Variants in MYOM1 observed in about 807,000 individuals in gnomAD.
The protein encoded by MYOM1 is myomesin 1, also known as myomesin-1.
MYOM1 carries 164 observed loss-of-function variants against 205.3 expected under a neutral mutation model. The ratio of observed to expected loss-of-function variants is 0.80; its 90% CI spans 0.70 to 0.91. The LOEUF is 0.91. MYOM1 is among the 40% of genes least tolerant of loss of function. MYOM1 has a pLI of 0.00. For missense variants in MYOM1, 2,011 were observed against 2,127.3 expected (o/e 0.95, Z 1.08); for synonymous variants, 772 against 789.4 (o/e 0.98, Z 0.37).
intron 2 of MYOM1, among the ~76,000 whole-genome samples, chr18:3,196,199 CTATGT>C (rs2080988656): frequency 6.6e-6 from 1 of 152,100 alleles, no homozygotes; most frequent in African/African-American, 2.4e-5. Flanking sequence ...AAGAAAGTGA[CTATGT>C]TATAATAAGC....
intron 33 of MYOM1, among the ~76,000 whole-genome samples, chr18:3,079,563 A>G (rs2079061149): frequency 6.6e-6 from 1 of 151,856 alleles, no homozygotes; most frequent in Admixed American, 6.6e-5. Flanking sequence ...ATTTGTTAAT[A>G]ACTCCTCATA....
the MYOM1 span, chr18:3,246,061 G>A: frequency 3.3e-5 from 5 of 152,464 alleles, no homozygotes; most frequent in East Asian, 7.7e-4. Context: ...GTGGAAGGAA[G>A]ACAAAACAAT....
intron 22 of MYOM1, among the ~76,000 whole-genome samples, chr18:3,104,381 A>G (rs78109326): frequency 0.012 from 1,859 of 152,318 alleles, 26 homozygotes; most frequent in African/African-American, 0.042. Context: ...GATTGCTTAT[A>G]TTAATCATTC....
chr18:3,238,741 G>C, the MYOM1 span, among the ~76,000 whole-genome samples: 2 of 152,068 alleles, frequency 1.3e-5, no homozygotes, highest in East Asian at 3.9e-4. Context: ...AAGCTGTCAG[G>C]GAGACTGTGT....
chr18:3,147,101 AAT>A (rs930996583), intron 13 of MYOM1, among the ~76,000 whole-genome samples: 5 of 141,162 alleles, frequency 3.5e-5, no homozygotes, highest in Non-Finnish European at 7.6e-5. Context: ...ATTATAGATA[AAT>A]ATATATATTT....
chr18:3,151,473 TAAATAAAATA>T lies in MYOM1; in HGVS notation c.1843+211_1843+220del, dbSNP rs71159050. Among the ~76,000 whole-genome samples, 35,936 of 143,854 alleles carry T rather than the reference TAAATAAAATA, an allele frequency of 0.25. 4,618 individuals carry two copies. The highest frequency in any genetic ancestry group is 0.35 in the Middle Eastern group (98 of 280). The allele number at this position is 143,854 out of a possible 152,430, so 94.4% of individuals were successfully genotyped here. ...TATAAAATAATAAAATAAAATAAAA[TAAATAAAATA>T]AAATAAAATAAAATAAAATAAAACC... On this transcript the variant is annotated intron_variant, in intron 12 of 37. Coordinates refer to ENST00000356443, the MANE Select transcript of MYOM1 (RefSeq NM_003803.4).
At chr18:3,233,983 TTATACA>T in the MYOM1 span, among the ~76,000 whole-genome samples, 1 of 152,244 alleles carries the variant, frequency 6.6e-6, no homozygotes, top group African/African-American at 2.4e-5. Flanking sequence ...GGCTTTGAAG[TTATACA>T]GACATGCGTC....
At chr18:3,131,249 G>A in intron 17 of MYOM1, 126 bp downstream of exon 17, 2 of 1,057,586 alleles carry the variant, frequency 1.9e-6, no homozygotes, top group Middle Eastern at 2.1e-4. Context: ...CAGAGAAAAT[G>A]ATCATCTAAG....
At chr18:3,148,237 T>C (rs1276187901) in intron 13 of MYOM1, among the ~76,000 whole-genome samples, 1 of 152,190 alleles carries the variant, frequency 6.6e-6, no homozygotes, top group Non-Finnish European at 1.5e-5. Context: ...TCCTAGGTAT[T>C]TACACAAGAC....
Position 3,215,036 on chromosome 18 carries a change from C to G in MYOM1, c.188G>C (p.Arg63Pro), listed in dbSNP as rs765634061. The G allele has an allele frequency of 2.5e-6, 4 of 1,612,620 alleles. No homozygotes were observed. Among genetic ancestry groups the G allele is most frequent in the East Asian group, 2.2e-5 (1 of 44,826 alleles). ...AHRRESEAFRRASASSSQQQA... is the reference protein window; with the variant it reads ...AHRRESEAFRPASASSSQQQA... ...CTGCTGGGAGGAGGAGGCGGACGCC[C>G]GACGGAAGGCCTCGGACTCCCGGCG... The change falls in exon 2 of 38, where the codon CGG becomes CCG. Residue 63 changes from arginine to proline, a missense_variant. Physicochemically the swap from Arg to Pro is moderately radical, Grantham distance 103. Transcript: ENST00000356443.
chr18:3,090,733 C>G lies in MYOM1; in HGVS notation c.3934G>C (p.Asp1312His). ...EMFMEKLQDE[D>H]EGTYTFQLQD... is the part of the protein sequence containing the mutation. The stretch of plus-strand genomic sequence containing the variant: ...AGCTGGAAAGTGTACGTTCCCTCAT[C>G]CTCATCCTGTAGCTTTTCCATGAAC... Residue 1312 changes from aspartate to histidine, a missense_variant, in exon 27 of 38, where the codon GAT (aspartate) becomes CAT (histidine). Physicochemically the swap from Asp to His is moderately conservative, Grantham distance 81. Transcript: ENST00000356443. 1 of 1,613,934 alleles carries G rather than the reference C, an allele frequency of 6.2e-7. No individual in the cohort carries two copies. Among genetic ancestry groups the G allele is most frequent in the South Asian group, 1.1e-5 (1 of 91,074 alleles).
chr18:3,197,642 G>A (rs957464297), intron 2 of MYOM1, among the ~76,000 whole-genome samples: 2 of 152,042 alleles, frequency 1.3e-5, no homozygotes, highest in African/African-American at 2.4e-5. Flanking sequence ...GGGAGGCCAA[G>A]GCGGGCGGAT....
At chr18:3,186,982 A>T (rs902737726) in intron 5 of MYOM1, among the ~76,000 whole-genome samples, 1 of 151,582 alleles carries the variant, frequency 6.6e-6, no homozygotes, top group Non-Finnish European at 1.5e-5. Context: ...GAAAGAAGAA[A>T]GAAAAAAAGA....
chr18:3,158,708 G>A (rs560144273), intron 10 of MYOM1, among the ~76,000 whole-genome samples: 1 of 152,104 alleles, frequency 6.6e-6, no homozygotes, highest in East Asian at 1.9e-4. Context: ...TGACCTCCCA[G>A]GCTCAAGCTC....
At chr18:3,149,388 G>A (rs2080184313) in intron 12 of MYOM1, among the ~76,000 whole-genome samples, 187 bp from the exon 13 acceptor site, 1 of 152,186 alleles carries the variant, frequency 6.6e-6, no homozygotes, top group South Asian at 2.1e-4. Flanking sequence ...CGGTCCTCAA[G>A]GGACTCATAA....
chr18:3,177,267 GCTTTTT>G (rs2080655782), intron 5 of MYOM1, among the ~76,000 whole-genome samples: 1 of 151,742 alleles, frequency 6.6e-6, no homozygotes, highest in South Asian at 2.1e-4. Flanking sequence ...AAACAAATAA[GCTTTTT>G]AAAAATAAAT....
the MYOM1 span, chr18:3,246,358 A>T: frequency 1.3e-5 from 2 of 152,192 alleles, no homozygotes; most frequent in African/African-American, 4.8e-5. Flanking sequence ...CCCCCATTAC[A>T]TGGATGGCTT....
chr18:3,116,214 G>T, intron 21 of MYOM1, 117 bp downstream of exon 21: 1 of 1,074,998 alleles, frequency 9.3e-7, no homozygotes, highest in Non-Finnish European at 1.3e-6. Flanking sequence ...ATCTTACCAG[G>T]AGCCCAATAT....
chr18:3,227,556 C>T, the MYOM1 span, among the ~76,000 whole-genome samples: 1 of 152,074 alleles, frequency 6.6e-6, no homozygotes. Flanking sequence ...CGGTGGCTCA[C>T]ACCTGTAATC....
Sources: allele counts gnomAD v4.1 joint callset (sites outside exome capture counted in the v4.1 genomes callset), GRCh38; gene constraint gnomAD v4.1.1; transcripts MANE v1.5; gene names NCBI Gene and HGNC (gene_info 2026-07-23, HGNC 2026-07-21).